The following MYO9A variants were observed in gnomAD, a reference collection of about 807,000 sequenced individuals.
The protein encoded by MYO9A is myosin IXA, also known as unconventional myosin-IXa.
MYO9A carries 103 observed loss-of-function variants against 293.3 expected under a neutral mutation model. That is an observed-to-expected ratio of 0.35 (90% CI 0.30 to 0.41). The LOEUF (loss-of-function observed/expected upper bound fraction) is 0.41, where lower values mean the gene tolerates loss of function less well. Among genes scored for constraint, MYO9A ranks in the 10% least tolerant of loss-of-function variants. The probability of loss-of-function intolerance (pLI) is 1.00; values close to 1 mark genes in which losing one functional copy is unlikely to be tolerated. For synonymous variants in MYO9A, 1,001 were observed against 1,035.7 expected, an observed-to-expected ratio of 0.97 and a Z score of 0.64; for missense variants, 2,685 against 3,033.0, an observed-to-expected ratio of 0.89 and a Z score of 2.69.
At chr15:72,000,520 T>C (rs1007729995) in intron 8 of MYO9A, among the ~76,000 whole-genome samples, 4 of 152,236 alleles carry the variant, frequency 2.6e-5, no homozygotes, top group African/African-American at 9.6e-5. Context: ...ATTTCTACAC[T>C]TTTACATGTA....
At chr15:72,049,213 T>A (rs2078481310) in intron 1 of MYO9A, among the ~76,000 whole-genome samples, 1 of 152,212 alleles carries the variant, frequency 6.6e-6, no homozygotes, top group Non-Finnish European at 1.5e-5. Context: ...GTATCATAAA[T>A]ATATTTTTAA....
At chr15:72,099,422 C>A (rs866018729) in intron 1 of MYO9A, among the ~76,000 whole-genome samples, 962 of 90,070 alleles carry the variant, frequency 0.011, 105 homozygotes, top group African/African-American at 0.025. Context: ...GACCCTGCCC[C>A]AAAAAAAAAA....
At chr15:71,925,366 C>CATATATACGTATATACGTGTATATGG (rs1483729964) in intron 18 of MYO9A, among the ~76,000 whole-genome samples, 176 of 149,318 alleles carry the variant, frequency 1.2e-3, no homozygotes, top group African/African-American at 3.8e-3. Flanking sequence ...TGTATATATA[C>CATATATACGTATATACGTGTATATGG]ATATATACGT....
At position 71,898,714 on chromosome 15, in the gene MYO9A, A is replaced by G; in HGVS notation, c.3789T>C (p.His1263=). The change falls in exon 25 of 42, where the codon CAT becomes CAC. Residue 1263 remains histidine (H), a synonymous_variant. Transcript: ENST00000356056. ...RERPRSLEDL[H]QKKVGRAKRE... ...TCTTAGCCCGGCCTACTTTTTTCTGATGGAGATCCTCCAAGGATCTGGGTC... is the reference window on the plus strand; with the variant it reads ...TCTTAGCCCGGCCTACTTTTTTCTGGTGGAGATCCTCCAAGGATCTGGGTC... 6.2e-7 allele frequency: 1 copy of G among 1,613,886 alleles called. No homozygotes were observed. Among genetic ancestry groups the G allele is most frequent in the South Asian group, 1.1e-5 (1 of 91,064 alleles).
chr15:71,826,468 G>C lies in MYO9A; in HGVS notation c.*112C>G. 1 of 1,077,448 alleles carries C rather than the reference G, an allele frequency of 9.3e-7. No individual in the cohort carries two copies. Among genetic ancestry groups the C allele is most frequent in the Non-Finnish European group, 1.3e-6 (1 of 752,150 alleles). 66.7% of individuals were successfully genotyped at this position (1,077,448 alleles called of 1,614,324 possible). Reference sequence around the variant, plus strand: ...CAGTCTTAGCCATATGCTTAGAAAAGAGGCAGGACCACAATTAGGATTGAC... The same window carrying C: ...CAGTCTTAGCCATATGCTTAGAAAACAGGCAGGACCACAATTAGGATTGAC... On this transcript the variant is annotated 3_prime_UTR_variant, in exon 42 of 42. Coordinates refer to ENST00000356056, the MANE Select transcript of MYO9A (RefSeq NM_006901.4).
At chr15:71,875,488 TC>T (rs1161312506) in intron 32 of MYO9A, among the ~76,000 whole-genome samples, 1 of 152,198 alleles carries the variant, frequency 6.6e-6, no homozygotes, top group African/African-American at 2.4e-5. Flanking sequence ...ACCCCTGTTT[TC>T]TTTAGAAGGG....
rs1353365008 is a variant in MYO9A at position 72,007,815 on chromosome 15, T to A, written c.1380+11A>T. ...AGATTTGAAATGACAACTGAAAATG[T>A]AATCACTCACCTCTAATAATTCTGA... is the stretch of plus-strand genomic sequence containing the variant. On this transcript the variant is annotated intron_variant, in intron 8 of 41. Coordinates refer to ENST00000356056, the MANE Select transcript of MYO9A (RefSeq NM_006901.4). The A allele has an allele frequency of 6.3e-7, 1 of 1,597,448 alleles. No homozygotes were observed. The highest frequency in any genetic ancestry group is 1.4e-5 in the African/African-American group (1 of 74,038).
intron 15 of MYO9A, among the ~76,000 whole-genome samples, chr15:71,950,690 G>T (rs1252313690): frequency 6.6e-6 from 1 of 152,114 alleles, no homozygotes; most frequent in African/African-American, 2.4e-5. Flanking sequence ...ACACACTTTT[G>T]TTTTAACCAA....
intron 1 of MYO9A, among the ~76,000 whole-genome samples, chr15:72,073,872 G>A (rs948828275): frequency 2.0e-5 from 3 of 152,136 alleles, no homozygotes; most frequent in Admixed American, 1.3e-4. Context: ...TGTGACCTGG[G>A]ACAAGTTATT....
intron 1 of MYO9A, among the ~76,000 whole-genome samples, chr15:72,051,392 C>T (rs576021689): frequency 7.2e-5 from 11 of 152,264 alleles, no homozygotes; most frequent in African/African-American, 2.4e-4. Flanking sequence ...GGTGCAGCTG[C>T]GGCCACCTGC....
At position 71,904,980 on chromosome 15, in the gene MYO9A, T is replaced by A. The variant is rs1437927697; in HGVS notation, c.2712A>T (p.Thr904=). Residue 904 remains threonine (T), a synonymous_variant, in exon 20 of 42, where the codon ACA becomes ACT. Coordinates refer to ENST00000356056, the MANE Select transcript of MYO9A (RefSeq NM_006901.4). Reference sequence around the variant, plus strand: ...CAAAATATGGTTCTGCTTGACCAAGTGTTTCCATTAGCTTGCTTAATGATG... The same window carrying A: ...CAAAATATGGTTCTGCTTGACCAAGAGTTTCCATTAGCTTGCTTAATGATG... ...FQASLSKLME[T]LGQAEPYFVK... is the part of the protein sequence containing the mutation. 2 of 1,605,804 alleles carry A rather than the reference T, an allele frequency of 1.2e-6. No homozygotes were observed. The highest frequency in any genetic ancestry group is 4.5e-5 in the East Asian group (2 of 44,658).
chr15:71,850,536 G>C (rs568417464), intron 37 of MYO9A, among the ~76,000 whole-genome samples: 41 of 152,108 alleles, frequency 2.7e-4, no homozygotes, highest in Non-Finnish European at 4.6e-4. Flanking sequence ...AGGCCAATGT[G>C]GGCAGATTAC....
chr15:72,098,128 T>G (rs781727763), intron 1 of MYO9A, among the ~76,000 whole-genome samples: 7 of 152,010 alleles, frequency 4.6e-5, no homozygotes, highest in Non-Finnish European at 8.8e-5. Context: ...CTTTTCCCTA[T>G]GCTTCCTCCT....
At chr15:72,077,746 AAAAAAAAT>A (rs1298131811) in intron 1 of MYO9A, among the ~76,000 whole-genome samples, 2,704 of 41,820 alleles carry the variant, frequency 0.065, 14 homozygotes, top group Non-Finnish European at 0.083. Flanking sequence ...AAAAAAAAAA[AAAAAAAAT>A]ATATATATAT....
rs757299313 is a variant in MYO9A, at chr15:71,826,673, C to T, written c.7554G>A (p.Gly2518=). 6.2e-7 allele frequency: 1 copy of T among 1,614,030 alleles called. No individual in the cohort carries two copies. Among genetic ancestry groups the T allele is most frequent in the African/African-American group, 1.3e-5 (1 of 75,006 alleles). ...SPQKTKETPE[G]TVMSGRRKTV... ...TTTTTCTGCGGCCAGACATGACTGT[C>T]CCCTCTGGGGTCTCTTTGGTTTTCT... The change falls in exon 42 of 42, where the codon GGG becomes GGA. Residue 2518 remains glycine, a synonymous_variant. Transcript: ENST00000356056.
chr15:72,053,491 G>A (rs1360958140), intron 1 of MYO9A, among the ~76,000 whole-genome samples: 2 of 152,184 alleles, frequency 1.3e-5, no homozygotes, highest in Non-Finnish European at 2.9e-5. Context: ...AAAAAAGAAT[G>A]AGATAATGTC....
intron 1 of MYO9A, among the ~76,000 whole-genome samples, chr15:72,061,343 G>A (rs2078872163): frequency 6.6e-6 from 1 of 152,076 alleles, no homozygotes. Flanking sequence ...TGCAACTTGG[G>A]TATCAACTCA....
intron 26 of MYO9A, chr15:71,891,407 T>G (rs2057174045): frequency 6.6e-6 from 1 of 152,188 alleles, no homozygotes; most frequent in South Asian, 2.1e-4. Flanking sequence ...CAAAGGAAAC[T>G]CTCAGAAACA....
Position 72,045,548 on chromosome 15 carries a change from G to A in MYO9A, c.840+176C>T, listed in dbSNP as rs545678268. Among the ~76,000 whole-genome samples the A allele has an allele frequency of 8.5e-5, 13 of 152,270 alleles. No individual in the cohort carries two copies. In the South Asian group the frequency reaches 2.5e-3, roughly 29 times the overall value. ...CCCAAAGTGCTGGGATTACAGGCAT[G>A]AGCCATTGCGCCCAGCCCTAAATGA... On this transcript the variant is annotated intron_variant, in intron 2 of 41. Transcript: ENST00000356056.
Sources: allele counts gnomAD v4.1 joint callset (sites outside exome capture counted in the v4.1 genomes callset), GRCh38; gene constraint gnomAD v4.1.1; transcripts MANE v1.5; gene names NCBI Gene and HGNC (gene_info 2026-07-23, HGNC 2026-07-21).